Variants in THSD4 observed in about 807,000 individuals in gnomAD.
THSD4 encodes thrombospondin type-1 domain-containing protein 4.
Under a neutral mutation model 119.0 loss-of-function variants are expected in THSD4, and 69 were observed. The ratio of observed to expected loss-of-function variants is 0.58; its 90% CI spans 0.48 to 0.71. THSD4 has a LOEUF of 0.71. Among genes scored for constraint, THSD4 ranks in the 30% least tolerant of loss-of-function variants. THSD4 has a pLI of 0.00. For missense variants in THSD4, 1,393 were observed against 1,391.1 expected (o/e 1.00, Z -0.02); for synonymous variants, 524 against 540.4 (o/e 0.97, Z 0.42).
intron 7 of THSD4, among the ~76,000 whole-genome samples, chr15:71,595,206 A>C (rs1567053730): frequency 6.6e-6 from 1 of 152,204 alleles, no homozygotes; most frequent in Non-Finnish European, 1.5e-5. Flanking sequence ...CAGGCCTGGA[A>C]GTCAGACACT....
intron 7 of THSD4, among the ~76,000 whole-genome samples, chr15:71,625,427 AG>A (rs1173696902): frequency 2.6e-5 from 4 of 152,220 alleles, no homozygotes; most frequent in Non-Finnish European, 5.9e-5. Flanking sequence ...GAGCTTCTTG[AG>A]GAACTGAGGA....
At chr15:71,424,639 A>G (rs1316352948) in intron 7 of THSD4, among the ~76,000 whole-genome samples, 1 of 152,170 alleles carries the variant, frequency 6.6e-6, no homozygotes, top group African/African-American at 2.4e-5. Flanking sequence ...CTCCCCAGTC[A>G]TTACTGTCAT....
chr15:71,406,773 G>A (rs538879072), intron 6 of THSD4, among the ~76,000 whole-genome samples: 7 of 151,744 alleles, frequency 4.6e-5, no homozygotes, highest in South Asian at 4.2e-4. Flanking sequence ...TCCGCCTCCC[G>A]AGTTCAAGCA....
intron 10 of THSD4, 63 bp from the exon 11 acceptor site, chr15:71,737,669 C>G: frequency 6.6e-7 from 1 of 1,508,046 alleles, no homozygotes; most frequent in Admixed American, 2.3e-5. Context: ...GAAGCAATTT[C>G]CTCTTTACAA....
Position 71,779,084 on chromosome 15 carries a change from A to G in THSD4, c.*1710A>G, listed in dbSNP as rs1047744397. ...TGCAGCTTTTGGAAGCAGTATGGCA[A>G]CCTGGCCTGACATGCTCTTTAGGCT... is the stretch of plus-strand genomic sequence containing the variant. On this transcript the variant is annotated 3_prime_UTR_variant, in exon 18 of 18. Coordinates refer to ENST00000261862, the MANE Select transcript of THSD4 (RefSeq NM_024817.3). 1.3e-5 allele frequency: 2 copies of G among 152,216 alleles called. No individual in the cohort carries two copies. The highest frequency in any genetic ancestry group is 2.4e-5 in the African/African-American group (1 of 41,452). 9.4% of individuals were successfully genotyped at this position (152,216 alleles called of 1,614,324 possible).
At chr15:71,560,077 TAAAA>T (rs962384941) in intron 7 of THSD4, among the ~76,000 whole-genome samples, 17 of 152,348 alleles carry the variant, frequency 1.1e-4, no homozygotes, top group African/African-American at 3.8e-4. Context: ...ACATTTTACT[TAAAA>T]AACCTTATTT....
At chr15:71,442,644 A>G (rs6494931) in intron 7 of THSD4, among the ~76,000 whole-genome samples, 15,015 of 38,336 alleles carry the variant, frequency 0.39, 4,764 homozygotes, top group Non-Finnish European at 0.5. Flanking sequence ...GTGTGTGTAT[A>G]TGTGTGTGTG....
intron 6 of THSD4, among the ~76,000 whole-genome samples, chr15:71,309,694 T>A (rs1467829521): frequency 6.6e-6 from 1 of 152,240 alleles, no homozygotes; most frequent in African/African-American, 2.4e-5. Flanking sequence ...TTCATTCTTT[T>A]GCATGTGGAT....
At chr15:71,447,318 A>G (rs2047199243) in intron 7 of THSD4, among the ~76,000 whole-genome samples, 1 of 151,794 alleles carries the variant, frequency 6.6e-6, no homozygotes, top group African/African-American at 2.4e-5. Flanking sequence ...ACAGGGTTTC[A>G]CCATGTTGGA....
In THSD4 at chr15:71,602,570, A is replaced by AAG. The variant is rs1555431063; in HGVS notation, c.1153-57959_1153-57958insGA. On this transcript the variant is annotated intron_variant, in intron 7 of 17. Coordinates refer to ENST00000261862, the MANE Select transcript of THSD4 (RefSeq NM_024817.3). ...CTCTGTCTCAAAAAAAAAAAAAAAA[A>AAG]AAAAAAAAAATGAAAAAGAAAAACA... is the stretch of plus-strand genomic sequence containing the variant. Among the ~76,000 whole-genome samples the AAG allele has an allele frequency of 1.3e-5, 2 of 149,546 alleles. 1 individual carries two copies. Among genetic ancestry groups the AAG allele is most frequent in the Non-Finnish European group, 3.0e-5 (2 of 67,534 alleles).
intron 3 of THSD4, among the ~76,000 whole-genome samples, chr15:71,169,173 T>C (rs1032490202): frequency 4.6e-5 from 7 of 152,210 alleles, no homozygotes; most frequent in South Asian, 4.1e-4. Context: ...TCCAAATGGC[T>C]GATAAGCATA....
At chr15:71,462,637 A>T (rs2047444458) in intron 7 of THSD4, among the ~76,000 whole-genome samples, 2 of 152,154 alleles carry the variant, frequency 1.3e-5, no homozygotes. Flanking sequence ...CTGACCATTG[A>T]CCCTTAATTT....
chr15:71,118,527 T>A (rs1254205380), intron 1 of THSD4, among the ~76,000 whole-genome samples: 1 of 152,176 alleles, frequency 6.6e-6, no homozygotes, highest in Non-Finnish European at 1.5e-5. Flanking sequence ...AGCAGCCTCC[T>A]TGGGCCTCTC....
chr15:71,304,924 A>G (rs2045003559), intron 6 of THSD4, among the ~76,000 whole-genome samples: 1 of 152,230 alleles, frequency 6.6e-6, no homozygotes, highest in African/African-American at 2.4e-5. Flanking sequence ...ATGCCATCAA[A>G]TACATGTTTC....
At chr15:71,446,060 A>G (rs766277572) in intron 7 of THSD4, among the ~76,000 whole-genome samples, 5 of 152,226 alleles carry the variant, frequency 3.3e-5, no homozygotes, top group Non-Finnish European at 7.3e-5. Flanking sequence ...AACTTTGGAT[A>G]CTTTCTTCTG....
Position 71,727,553 on chromosome 15 carries a change from AATATATAT to A in THSD4, c.1358-968_1358-961del, listed in dbSNP as rs869196877. On this transcript the variant is annotated intron_variant, in intron 8 of 17. Transcript: ENST00000261862. ...TCTTAAAAAAAAAAAAAAAAAAAAA[AATATATAT>A]ATATATATATATATATATATATATA... Among the ~76,000 whole-genome samples the A allele has an allele frequency of 1.6e-3, 196 of 122,616 alleles. 1 individual carries two copies. Among genetic ancestry groups the A allele is most frequent in the African/African-American group, 7.1e-3 (183 of 25,718 alleles). 80.4% of individuals were successfully genotyped at this position (122,616 alleles called of 152,430 possible). A position where few individuals can be genotyped will look rare whatever the true frequency, so the allele number is the denominator to read the frequency against.
chr15:71,510,281 T>G (rs1283739010), intron 7 of THSD4, among the ~76,000 whole-genome samples: 1 of 152,168 alleles, frequency 6.6e-6, no homozygotes, highest in African/African-American at 2.4e-5. Flanking sequence ...GACAGCTGTT[T>G]GTTCATCCTT....
chr15:71,681,770 T>C (rs968219420), intron 8 of THSD4, among the ~76,000 whole-genome samples: 1 of 151,256 alleles, frequency 6.6e-6, no homozygotes, highest in Non-Finnish European at 1.5e-5. Context: ...ATCCAGTAAA[T>C]ATGGTGTCCC....
chr15:71,208,539 T>G (rs1349920328), intron 3 of THSD4, among the ~76,000 whole-genome samples: 1 of 151,124 alleles, frequency 6.6e-6, no homozygotes, highest in Non-Finnish European at 1.5e-5. Flanking sequence ...TGAGATGGAG[T>G]CTTTCTCTGT....
Sources: allele counts gnomAD v4.1 joint callset (sites outside exome capture counted in the v4.1 genomes callset), GRCh38; gene constraint gnomAD v4.1.1; transcripts MANE v1.5; gene names NCBI Gene and HGNC (gene_info 2026-07-23, HGNC 2026-07-21).